The following RGS18 variants were observed in gnomAD, a reference collection of about 807,000 sequenced individuals.
The protein encoded by RGS18 is regulator of G protein signaling 18.
Under a neutral mutation model 27.6 loss-of-function variants are expected in RGS18, and 22 were observed. That is an observed-to-expected ratio of 0.80 (90% CI 0.57 to 1.14). The LOEUF is 1.14. Ranked by LOEUF, RGS18 falls within the 50% of genes most tolerant of loss-of-function variation. The probability of loss-of-function intolerance (pLI) is 0.00; values close to 1 mark genes in which losing one functional copy is unlikely to be tolerated. For missense variants in RGS18, 299 were observed against 269.6 expected, an observed-to-expected ratio of 1.11 and a Z score of -0.76; for synonymous variants, 89 against 84.6, an observed-to-expected ratio of 1.05 and a Z score of -0.29.
At chr1:192,163,275 T>A (rs1335244739) in intron 3 of RGS18, 2 of 152,184 alleles carry the variant, frequency 1.3e-5, no homozygotes, top group African/African-American at 4.8e-5. Flanking sequence ...TTTTTCTGTT[T>A]CCAGTCTAGT....
At chr1:192,172,724 G>T (rs1656282347) in intron 3 of RGS18, among the ~76,000 whole-genome samples, 1 of 151,448 alleles carries the variant, frequency 6.6e-6, no homozygotes, top group East Asian at 1.9e-4. Context: ...GCTCTACCTG[G>T]ATAATCTCCC....
intron 3 of RGS18, among the ~76,000 whole-genome samples, chr1:192,176,995 G>C (rs948083090): frequency 2.2e-4 from 33 of 151,518 alleles, no homozygotes; most frequent in African/African-American, 7.7e-4. Flanking sequence ...TCAGTAGAAG[G>C]CTCACATTGG....
At chr1:192,176,499 C>T (rs1656360914) in intron 3 of RGS18, among the ~76,000 whole-genome samples, 1 of 151,548 alleles carries the variant, frequency 6.6e-6, no homozygotes, top group Non-Finnish European at 1.5e-5. Context: ...AAACTACTGC[C>T]TCAATATTTT....
At position 192,184,987 on chromosome 1, in the gene RGS18, G is replaced by A. The variant is rs1656524113; in HGVS notation, c.*433G>A. On this transcript the variant is annotated 3_prime_UTR_variant, in exon 5 of 5. Coordinates refer to ENST00000367460, the MANE Select transcript of RGS18 (RefSeq NM_130782.3). ...ATGTTCAGATAGCATTTTTCATAAT[G>A]AATGTTCTCTTTTTTTTGGTAATAG... The A allele has an allele frequency of 5.9e-6, 1 of 169,882 alleles. No homozygotes were observed. The highest frequency in any genetic ancestry group is 2.4e-5 in the African/African-American group (1 of 41,592). The allele number at this position is 169,882 out of a possible 1,614,324, so 10.5% of individuals were successfully genotyped here. A position where few individuals can be genotyped will look rare whatever the true frequency, so the allele number is the denominator to read the frequency against.
At chr1:192,160,900 T>G (rs1465696542) in intron 3 of RGS18, among the ~76,000 whole-genome samples, 1 of 152,240 alleles carries the variant, frequency 6.6e-6, no homozygotes, top group Non-Finnish European at 1.5e-5. Flanking sequence ...TCGCCCAGGC[T>G]GGAGTGCAGT....
chr1:192,175,890 A>G (rs1349642187), intron 3 of RGS18, among the ~76,000 whole-genome samples: 1 of 151,958 alleles, frequency 6.6e-6, no homozygotes, highest in Non-Finnish European at 1.5e-5. Flanking sequence ...CAACTTTAGT[A>G]CTTGCAAATA....
In RGS18 at chr1:192,184,991, G is replaced by A. The variant is rs1304380636; in HGVS notation, c.*437G>A. ...TCAGATAGCATTTTTCATAATGAAT[G>A]TTCTCTTTTTTTTGGTAATAGTGTA... On this transcript the variant is annotated 3_prime_UTR_variant, in exon 5 of 5. Coordinates refer to ENST00000367460, the MANE Select transcript of RGS18 (RefSeq NM_130782.3). The A allele has an allele frequency of 1.8e-5, 3 of 169,400 alleles. No individual in the cohort carries two copies. The highest frequency in any genetic ancestry group is 3.8e-5 in the Non-Finnish European group (3 of 78,500). 10.5% of individuals were successfully genotyped at this position (169,400 alleles called of 1,614,324 possible).
intron 3 of RGS18, among the ~76,000 whole-genome samples, chr1:192,176,715 G>GTTTCA (rs1294185816): frequency 4.6e-5 from 7 of 151,640 alleles, no homozygotes; most frequent in Non-Finnish European, 1.0e-4. Flanking sequence ...CACAGCATGT[G>GTTTCA]ATCAATATTG....
chr1:192,182,001 A>G (rs1656465146), intron 4 of RGS18, among the ~76,000 whole-genome samples: 1 of 151,604 alleles, frequency 6.6e-6, no homozygotes, highest in Non-Finnish European at 1.5e-5. Context: ...CTCCAGGTTC[A>G]TTCACATTGC....
rs1656030992 is a variant in RGS18 at position 192,159,376 on chromosome 1, T to A, written c.221+55T>A. 5 of 1,218,176 alleles carry A rather than the reference T, an allele frequency of 4.1e-6. No homozygotes were observed. The South Asian group carries it at 5.0e-5, about 12-fold the overall frequency. The allele number at this position is 1,218,176 out of a possible 1,614,324, so 75.5% of individuals were successfully genotyped here. A position where few individuals can be genotyped will look rare whatever the true frequency, so the allele number is the denominator to read the frequency against. On this transcript the variant is annotated intron_variant, in intron 2 of 4. Transcript: ENST00000367460. ...ATTTTGCTGATTCTATCATTAAAGA[T>A]TTAAGAAAAATGCAGTTAGGGATTT...
At chr1:192,163,366 A>G (rs1359712858) in intron 3 of RGS18, 2 of 152,178 alleles carry the variant, frequency 1.3e-5, no homozygotes, top group Non-Finnish European at 2.9e-5. Flanking sequence ...CACTTAATGA[A>G]TTAGTATATA....
chr1:192,172,681 C>T (rs1412341001), intron 3 of RGS18, among the ~76,000 whole-genome samples: 1 of 151,620 alleles, frequency 6.6e-6, no homozygotes, highest in African/African-American at 2.4e-5. Context: ...TCTTCTGCCT[C>T]TTCTACTTTT....
chr1:192,181,550 A>T (rs975604398), intron 4 of RGS18, 92 bp downstream of exon 4: 3 of 830,526 alleles, frequency 3.6e-6, no homozygotes, highest in Non-Finnish European at 5.3e-6. Context: ...TTTCCAACTT[A>T]TTTTTATTAA....
chr1:192,159,971 A>G (rs1044003150), intron 2 of RGS18, among the ~76,000 whole-genome samples: 5 of 152,078 alleles, frequency 3.3e-5, no homozygotes, highest in Non-Finnish European at 7.4e-5. Flanking sequence ...GTGTGGTTAC[A>G]GCTTCAAGGA....
At chr1:192,180,315 T>C (rs1401297568) in intron 3 of RGS18, among the ~76,000 whole-genome samples, 1 of 151,568 alleles carries the variant, frequency 6.6e-6, no homozygotes, top group African/African-American at 2.4e-5. Context: ...TTTAATTCTC[T>C]CAACAGCCCT....
At chr1:192,161,036 G>C (rs774871757) in intron 3 of RGS18, among the ~76,000 whole-genome samples, 2 of 152,100 alleles carry the variant, frequency 1.3e-5, no homozygotes, top group Admixed American at 1.3e-4. Context: ...ATTTTTAGTA[G>C]AGACAGGGTT....
At chr1:192,161,832 C>A (rs1404011983) in intron 3 of RGS18, among the ~76,000 whole-genome samples, 1 of 152,184 alleles carries the variant, frequency 6.6e-6, no homozygotes, top group Admixed American at 6.5e-5. Flanking sequence ...TTTAATGTAA[C>A]AACAACTTTT....
In RGS18 at chr1:192,159,255, T is replaced by C. The variant is rs749771617; in HGVS notation, c.155T>C (p.Val52Ala). 2 of 1,613,788 alleles carry C rather than the reference T, an allele frequency of 1.2e-6. No homozygotes were observed. Among genetic ancestry groups the C allele is most frequent in the South Asian group, 1.1e-5 (1 of 91,058 alleles). The change falls in exon 2 of 5, where the codon GTG becomes GCG. Residue 52 changes from valine to alanine, a missense_variant. Val to Ala is a moderately conservative substitution (Grantham distance 64). Coordinates refer to ENST00000367460, the MANE Select transcript of RGS18 (RefSeq NM_130782.3). The stretch of plus-strand genomic sequence containing the variant: ...AAAAGAAATAGACTAAGTCTTCTTG[T>C]GCAGAAACCTGAGTTTCATGAAGAC... ...KEKRNRLSLL[V>A]QKPEFHEDTR...
chr1:192,167,138 G>A (rs1483266070), intron 3 of RGS18, among the ~76,000 whole-genome samples: 1 of 152,052 alleles, frequency 6.6e-6, no homozygotes, highest in Non-Finnish European at 1.5e-5. Context: ...GTAACATGTA[G>A]GATGGAAGTA....
Sources: allele counts gnomAD v4.1 joint callset (sites outside exome capture counted in the v4.1 genomes callset), GRCh38; gene constraint gnomAD v4.1.1; transcripts MANE v1.5; gene names NCBI Gene and HGNC (gene_info 2026-07-23, HGNC 2026-07-21).